JAKMIP1: variants seen among roughly 807,000 people sequenced by gnomAD.
JAKMIP1 encodes janus kinase and microtubule-interacting protein 1.
Under a neutral mutation model 113.0 loss-of-function variants are expected in JAKMIP1, and 33 were observed. The ratio of observed to expected loss-of-function variants is 0.29; its 90% confidence interval spans 0.22 to 0.39. JAKMIP1 has a LOEUF of 0.39. Among genes scored for constraint, JAKMIP1 ranks in the 10% least tolerant of loss-of-function variants. The probability of loss-of-function intolerance (pLI) is 1.00; values close to 1 mark genes in which losing one functional copy is unlikely to be tolerated. For missense variants in JAKMIP1, 813 were observed against 1,080.5 expected (o/e 0.75, Z 3.47); for synonymous variants, 480 against 459.9 (o/e 1.04, Z -0.56).
At chr4:6,034,828 T>A (rs1253195611) in intron 19 of JAKMIP1, among the ~76,000 whole-genome samples, 1 of 152,088 alleles carries the variant, frequency 6.6e-6, no homozygotes, top group Non-Finnish European at 1.5e-5. Flanking sequence ...ACAAACTAGA[T>A]GTTTCTGTGG....
chr4:6,031,103 T>C lies in JAKMIP1; in HGVS notation c.2380-1322A>G, dbSNP rs1403349176. On this transcript the variant is annotated intron_variant, in intron 19 of 20. Transcript: ENST00000409021. This position sits in a 1 kb window ranked among gnomAD's most constrained non-coding sequence, Gnocchi z 4.4. Reference sequence around the variant, plus strand: ...CAGACAATAGCAGCATACACATAAATAGAAGGGGCATCAGATGAATACAAA... The same window carrying C: ...CAGACAATAGCAGCATACACATAAACAGAAGGGGCATCAGATGAATACAAA... Among the ~76,000 whole-genome samples the C allele has an allele frequency of 6.6e-6, 1 of 152,030 alleles. No individual in the cohort carries two copies. Among genetic ancestry groups the C allele is most frequent in the Non-Finnish European group, 1.5e-5 (1 of 68,010 alleles).
At chr4:6,152,457 G>A (rs563830038) in intron 1 of JAKMIP1, among the ~76,000 whole-genome samples, 15 of 152,294 alleles carry the variant, frequency 9.8e-5, no homozygotes, top group Non-Finnish European at 2.1e-4. Context: ...TCAGAGATAA[G>A]GCCTGGCATT....
At chr4:6,152,795 TATATATATATATATAC>T (rs111953271) in intron 1 of JAKMIP1, among the ~76,000 whole-genome samples, 1,731 of 124,146 alleles carry the variant, frequency 0.014, 25 homozygotes, top group African/African-American at 0.051. Context: ...TACAAATATA[TATATATATATATATAC>T]ATATATATAT....
intron 2 of JAKMIP1, among the ~76,000 whole-genome samples, chr4:6,109,547 G>A (rs374340895): frequency 7.9e-5 from 12 of 151,952 alleles, no homozygotes; most frequent in African/African-American, 2.9e-4. Context: ...ACCTCTGATG[G>A]AATGTGCCCA....
intron 8 of JAKMIP1, among the ~76,000 whole-genome samples, chr4:6,070,832 T>C (rs1407964920): frequency 7.2e-6 from 1 of 138,760 alleles, no homozygotes; most frequent in Non-Finnish European, 1.6e-5. Context: ...CATTATTTAA[T>C]AGAAAAACTG....
In JAKMIP1 at chr4:6,049,013, G is replaced by A. The variant is rs1251702159; in HGVS notation, c.1963-91C>T. 7.6e-6 allele frequency: 7 copies of A among 915,888 alleles called. No individual in the cohort carries two copies. The highest frequency in any genetic ancestry group is 1.2e-5 in the Non-Finnish European group (7 of 566,226). 56.7% of individuals were successfully genotyped at this position (915,888 alleles called of 1,614,324 possible). ...ACCAAGCAAGTTTTTTTTTTTCGTT[G>A]TTGTTGTTTGTTTTATTATGTTTGT... On this transcript the variant is annotated intron_variant, in intron 15 of 20. Transcript: ENST00000409021. The surrounding 1 kb of genome is among the most constrained non-coding windows in gnomAD (Gnocchi z 7.0).
Position 6,069,956 on chromosome 4 carries a change from AT to A in JAKMIP1, c.1303-4949del, listed in dbSNP as rs1159530042. 5.1e-6 allele frequency: 2 copies of A among 395,728 alleles called. No individual in the cohort carries two copies. The highest frequency in any genetic ancestry group is 8.9e-6 in the Non-Finnish European group (2 of 224,722). 24.5% of individuals were successfully genotyped at this position (395,728 alleles called of 1,614,324 possible). A position where few individuals can be genotyped will look rare whatever the true frequency, so the allele number is the denominator to read the frequency against. Reference sequence around the variant, plus strand: ...CCACCTGTCTTCTCACCTTCCTATCATTTTCAACAGAGCCACCTGTCACAGG... The same window carrying A: ...CCACCTGTCTTCTCACCTTCCTATCATTTCAACAGAGCCACCTGTCACAGG... On this transcript the variant is annotated intron_variant, in intron 8 of 20. Transcript: ENST00000409021. This position sits in a 1 kb window ranked among gnomAD's most constrained non-coding sequence, Gnocchi z 4.5.
Position 6,110,635 on chromosome 4 carries a change from T to C in JAKMIP1, c.129+2087A>G, listed in dbSNP as rs111707507. Among the ~76,000 whole-genome samples the C allele has an allele frequency of 4.9e-3, 705 of 143,464 alleles. 4 individuals carry two copies. Among genetic ancestry groups the C allele is most frequent in the African/African-American group, 0.017 (669 of 39,142 alleles). 94.1% of individuals were successfully genotyped at this position (143,464 alleles called of 152,430 possible). A position where few individuals can be genotyped will look rare whatever the true frequency, so the allele number is the denominator to read the frequency against. On this transcript the variant is annotated intron_variant, in intron 2 of 20. Coordinates refer to ENST00000409021, the MANE Select transcript of JAKMIP1 (RefSeq NM_001099433.2). The stretch of plus-strand genomic sequence containing the variant: ...TCACCCTGATGGTCATGTGAGCGTA[T>C]GACAGGCAGCACCCAGGCCCTGTGT...
rs553565154 is a variant in JAKMIP1 at position 6,080,247 on chromosome 4, C to T, written c.1167G>A (p.Thr389=). 9.9e-6 allele frequency: 16 copies of T among 1,614,200 alleles called. No individual in the cohort carries two copies. The Admixed American group carries it at 1.3e-4, about 13-fold the overall frequency. The change falls in exon 7 of 21, where the codon ACG becomes ACA. Residue 389 remains threonine (T), a synonymous_variant. Coordinates refer to ENST00000409021, the MANE Select transcript of JAKMIP1 (RefSeq NM_001099433.2). The surrounding 1 kb of genome is among the most constrained non-coding windows in gnomAD (Gnocchi z 6.0). ...RHTSLNDLSL[T]RDEQEIEFLR... ...GGAACTCGATCTCCTGCTCATCCCTCGTCAGGCTGAGGTCATTCAAGGAGG... is the reference window on the plus strand; with the variant it reads ...GGAACTCGATCTCCTGCTCATCCCTTGTCAGGCTGAGGTCATTCAAGGAGG...
Position 6,080,387 on chromosome 4 carries a change from G to A in JAKMIP1, c.1102-75C>T. 2.0e-6 allele frequency: 3 copies of A among 1,528,582 alleles called. No homozygotes were observed. The highest frequency in any genetic ancestry group is 2.5e-5 in the South Asian group (2 of 80,240). 94.7% of individuals were successfully genotyped at this position (1,528,582 alleles called of 1,614,324 possible). Reference sequence around the variant, plus strand: ...TTGTTAGGGACAGTGCTGGAGTGGAGCTCAGGGGTGCAGGGACAGAAGGAT... The same window carrying A: ...TTGTTAGGGACAGTGCTGGAGTGGAACTCAGGGGTGCAGGGACAGAAGGAT... On this transcript the variant is annotated intron_variant, in intron 6 of 20. Coordinates refer to ENST00000409021, the MANE Select transcript of JAKMIP1 (RefSeq NM_001099433.2). The surrounding 1 kb of genome is among the most constrained non-coding windows in gnomAD (Gnocchi z 6.0).
At chr4:6,152,557 AC>A (rs1318840494) in intron 1 of JAKMIP1, among the ~76,000 whole-genome samples, 1 of 152,024 alleles carries the variant, frequency 6.6e-6, no homozygotes, top group Non-Finnish European at 1.5e-5. Flanking sequence ...TATTTATGTG[AC>A]CCTTTAACCC....
rs1334684228 is a variant in JAKMIP1, at chr4:6,192,081, T to C, written c.-148+8172A>G. The stretch of plus-strand genomic sequence containing the variant: ...CCGAGTAGTTGGGATTACAGGCGTG[T>C]GCCACCATGCCCAGCTAATTTTTGT... On this transcript the variant is annotated intron_variant, in intron 1 of 20. Transcript: ENST00000409021. This position sits in a 1 kb window ranked among gnomAD's most constrained non-coding sequence, Gnocchi z 5.0. 1.3e-5 allele frequency among the ~76,000 whole-genome samples: 2 copies of C among 151,982 alleles called. No homozygotes were observed. The highest frequency in any genetic ancestry group is 2.9e-5 in the Non-Finnish European group (2 of 67,986).
chr4:6,119,982 C>T (rs1383698100), intron 1 of JAKMIP1, among the ~76,000 whole-genome samples: 3 of 152,194 alleles, frequency 2.0e-5, no homozygotes, highest in African/African-American at 7.2e-5. Flanking sequence ...TTCAAGACAA[C>T]TCAAGTCCAA....
rs1199532759 is a variant in JAKMIP1, at chr4:6,076,325, G to GC, written c.1302+2613dup. On this transcript the variant is annotated intron_variant, in intron 8 of 20. Transcript: ENST00000409021. The surrounding 1 kb of genome is among the most constrained non-coding windows in gnomAD (Gnocchi z 4.8). Reference sequence around the variant, plus strand: ...TGTTCGACTTGGCTTGGTGGGAAAAGCTTGGGCCTTGTAGTCTCAGACTTG... The same window carrying GC: ...TGTTCGACTTGGCTTGGTGGGAAAAGCCTTGGGCCTTGTAGTCTCAGACTTG... Among the ~76,000 whole-genome samples, 1 of 152,144 alleles carries GC rather than the reference G, an allele frequency of 6.6e-6. No individual in the cohort carries two copies. The highest frequency in any genetic ancestry group is 1.5e-5 in the Non-Finnish European group (1 of 68,040).
In JAKMIP1 at chr4:6,081,799, G is replaced by C. The variant is rs370667555; in HGVS notation, c.955-44C>G. The C allele has an allele frequency of 1.9e-6, 3 of 1,611,494 alleles. No individual in the cohort carries two copies. The highest frequency in any genetic ancestry group is 3.3e-5 in the Admixed American group (2 of 59,924). ...ACAGAGGCTCAGACAACTTGACGAC[G>C]GACGGCCGAGGTCACAGCACCGAGG... On this transcript the variant is annotated intron_variant, in intron 5 of 20. Transcript: ENST00000409021. This position sits in a 1 kb window ranked among gnomAD's most constrained non-coding sequence, Gnocchi z 4.6.
rs946302398 is a variant in JAKMIP1, at chr4:6,138,516, C to T, written c.-147-25519G>A. Reference sequence around the variant, plus strand: ...CCTCCCAAAATGCTGGGATTACAGGCGTGAGCCACTGCACCTGGCCTAGAA... The same window carrying T: ...CCTCCCAAAATGCTGGGATTACAGGTGTGAGCCACTGCACCTGGCCTAGAA... On this transcript the variant is annotated intron_variant, in intron 1 of 20. Transcript: ENST00000409021. The surrounding 1 kb of genome is among the most constrained non-coding windows in gnomAD (Gnocchi z 6.0). 1.3e-5 allele frequency among the ~76,000 whole-genome samples: 2 copies of T among 152,072 alleles called. No homozygotes were observed. Among genetic ancestry groups the T allele is most frequent in the Admixed American group, 6.5e-5 (1 of 15,278 alleles).
In JAKMIP1 at chr4:6,143,407, C is replaced by T. The variant is rs957123301; in HGVS notation, c.-147-30410G>A. Among the ~76,000 whole-genome samples the T allele has an allele frequency of 3.9e-5, 6 of 152,150 alleles. No individual in the cohort carries two copies. The highest frequency in any genetic ancestry group is 1.2e-4 in the African/African-American group (5 of 41,434). On this transcript the variant is annotated intron_variant, in intron 1 of 20. Transcript: ENST00000409021. The surrounding 1 kb of genome is among the most constrained non-coding windows in gnomAD (Gnocchi z 4.9). Reference sequence around the variant, plus strand: ...TCAGCTGCCACCAACTCCTCTCTGGCGCCATGTCTGAACCCAGGCTGGTAA... The same window carrying T: ...TCAGCTGCCACCAACTCCTCTCTGGTGCCATGTCTGAACCCAGGCTGGTAA...
chr4:6,161,039 T>G (rs12505938), intron 1 of JAKMIP1, among the ~76,000 whole-genome samples: 65,448 of 131,646 alleles, frequency 0.5, 19,179 homozygotes, highest in East Asian at 0.76. Context: ...TGACCTCCAC[T>G]CACCTCCCCA....
intron 3 of JAKMIP1, among the ~76,000 whole-genome samples, chr4:6,098,754 A>AAG (rs1402901797): frequency 5.3e-5 from 8 of 150,354 alleles, no homozygotes; most frequent in Admixed American, 2.0e-4. Flanking sequence ...GAAGGAAGGA[A>AAG]AGAAAGAGAA....
Sources: gnomAD v4.1 joint callset for allele counts (sites outside exome capture counted in the v4.1 genomes callset) on GRCh38, gnomAD v4.1.1 for gene constraint, Gnocchi (gnomAD v3.1) non-coding constraint, MANE v1.5 for transcripts, NCBI Gene and HGNC (gene_info 2026-07-23, HGNC 2026-07-21) for gene names.